Variants in CASD1 observed in about 807,000 individuals in gnomAD.
The protein encoded by CASD1 is N-acetylneuraminate (7)9-O-acetyltransferase.
A neutral mutation model predicts 100.0 loss-of-function variants in CASD1; 41 were observed. The observed-to-expected ratio is 0.41, with a 90% CI of 0.32 to 0.53. CASD1 has a LOEUF of 0.53. Among genes scored for constraint, CASD1 ranks in the 20% least tolerant of loss-of-function variants. CASD1 has a pLI of 0.25. For synonymous variants in CASD1, 321 were observed against 315.6 expected (o/e 1.02, Z -0.18); for missense variants, 774 against 948.7 (o/e 0.82, Z 2.42).
chr7:94,567,978 C>T, the CASD1 span, among the ~76,000 whole-genome samples: 1 of 151,982 alleles, frequency 6.6e-6, no homozygotes, highest in East Asian at 1.9e-4. Flanking sequence ...ATGATTCCAA[C>T]ATGAATATCA....
the CASD1 span, among the ~76,000 whole-genome samples, chr7:94,575,552 T>G: frequency 6.6e-6 from 1 of 152,190 alleles, no homozygotes; most frequent in African/African-American, 2.4e-5. Context: ...TAGAGGTCCA[T>G]CAGATCCATT....
At chr7:94,580,553 T>C in the CASD1 span, among the ~76,000 whole-genome samples, 1 of 152,228 alleles carries the variant, frequency 6.6e-6, no homozygotes, top group Non-Finnish European at 1.5e-5. Context: ...TACAAAAAAT[T>C]ATAACATTGC....
chr7:94,631,376 C>A, the CASD1 span, among the ~76,000 whole-genome samples: 1 of 151,716 alleles, frequency 6.6e-6, no homozygotes, highest in Non-Finnish European at 1.5e-5. Context: ...ATGAAAGAGA[C>A]CCTGCCACTG....
the CASD1 span, chr7:94,597,565 AAGAG>A: frequency 6.6e-6 from 1 of 151,616 alleles, no homozygotes; most frequent in South Asian, 2.1e-4. Context: ...GAGAGAGAGA[AAGAG>A]AGACTGAGAG....
the CASD1 span, among the ~76,000 whole-genome samples, chr7:94,564,959 G>A: frequency 2.0e-5 from 3 of 152,056 alleles, no homozygotes; most frequent in Admixed American, 2.0e-4. Context: ...TCAGATCTGG[G>A]AAATCAGCAA....
At chr7:94,614,107 CAAAAAAAAAAAA>C in the CASD1 span, among the ~76,000 whole-genome samples, 15 of 94,964 alleles carry the variant, frequency 1.6e-4, no homozygotes, top group African/African-American at 6.8e-4. Context: ...AAATTGAAAT[CAAAAAAAAAAAA>C]AAAAAAAAAA....
At chr7:94,630,013 T>C in the CASD1 span, 1 of 691,828 alleles carries the variant, frequency 1.4e-6, no homozygotes, top group East Asian at 2.9e-5. Context: ...ATGGAAGTGA[T>C]TTCAGGACAA....
chr7:94,595,178 C>T, the CASD1 span, among the ~76,000 whole-genome samples: 1 of 152,110 alleles, frequency 6.6e-6, no homozygotes, highest in South Asian at 2.1e-4. Context: ...CAGTCTGGAG[C>T]TCTGTGAAAC....
chr7:94,539,846 C>T (rs1334499712), intron 10 of CASD1, among the ~76,000 whole-genome samples: 1 of 152,038 alleles, frequency 6.6e-6, no homozygotes, highest in African/African-American at 2.4e-5. Context: ...TAAAAAACTT[C>T]CAACTCTCTT....
chr7:94,555,411 C>A, intron 17 of CASD1, 81 bp from the exon 18 acceptor site: 1 of 1,377,474 alleles, frequency 7.3e-7, no homozygotes, highest in Non-Finnish European at 9.9e-7. Context: ...TATTATGCAA[C>A]CAAATTGTTT....
intron 5 of CASD1, among the ~76,000 whole-genome samples, chr7:94,531,223 AC>A (rs1481528582): frequency 1.3e-5 from 2 of 152,110 alleles, no homozygotes; most frequent in African/African-American, 2.4e-5. Context: ...CAAGATTGAT[AC>A]TATGAGAGTT....
chr7:94,590,871 A>C, the CASD1 span: 1 of 152,196 alleles, frequency 6.6e-6, no homozygotes, highest in Non-Finnish European at 1.5e-5. Context: ...CAAATACAAC[A>C]ATCTAAAGTG....
At chr7:94,554,657 C>A in intron 17 of CASD1, 82 bp downstream of exon 17, 2 of 809,438 alleles carry the variant, frequency 2.5e-6, no homozygotes, top group South Asian at 1.7e-5. Flanking sequence ...GTAAATATCA[C>A]ACATATATGT....
chr7:94,610,850 C>T, the CASD1 span, among the ~76,000 whole-genome samples: 14 of 152,034 alleles, frequency 9.2e-5, no homozygotes, highest in Non-Finnish European at 1.6e-4. Context: ...TATGAATAGA[C>T]CTATTTCCAA....
intron 1 of CASD1, among the ~76,000 whole-genome samples, chr7:94,515,971 A>G (rs1436475820): frequency 2.0e-5 from 3 of 152,108 alleles, no homozygotes; most frequent in Middle Eastern, 3.2e-3. Flanking sequence ...ATGCTACAGA[A>G]ATGCTATTTG....
the CASD1 span, among the ~76,000 whole-genome samples, chr7:94,603,910 C>T: frequency 2.0e-5 from 3 of 152,018 alleles, no homozygotes; most frequent in African/African-American, 7.2e-5. Flanking sequence ...TAAATTACAT[C>T]CCTGGAGGTA....
chr7:94,591,097 A>T, the CASD1 span, among the ~76,000 whole-genome samples: 2 of 152,226 alleles, frequency 1.3e-5, no homozygotes, highest in Admixed American at 1.3e-4. Flanking sequence ...TGTGTAGGCT[A>T]GAGGAGTATT....
chr7:94,519,463 A>T (rs947696965), intron 3 of CASD1, among the ~76,000 whole-genome samples: 1 of 152,180 alleles, frequency 6.6e-6, no homozygotes, highest in Non-Finnish European at 1.5e-5. Flanking sequence ...AGTGATGATG[A>T]TACCAGGTCC....
chr7:94,606,440 T>A, the CASD1 span, among the ~76,000 whole-genome samples: 1 of 152,188 alleles, frequency 6.6e-6, no homozygotes, highest in Non-Finnish European at 1.5e-5. Flanking sequence ...CACTCCTTAA[T>A]GTGTATATGC....
Sources: gnomAD v4.1 joint callset for allele counts (sites outside exome capture counted in the v4.1 genomes callset) on GRCh38, gnomAD v4.1.1 for gene constraint, MANE v1.5 for transcripts, NCBI Gene and HGNC (gene_info 2026-07-23, HGNC 2026-07-21) for gene names.